LYRM4: variants seen among roughly 807,000 people sequenced by gnomAD.
LYRM4 encodes the protein LYR motif-containing protein 4.
A neutral mutation model predicts 11.7 loss-of-function variants in LYRM4; 9 were observed. That is an observed-to-expected ratio of 0.77 (90% confidence interval 0.46 to 1.34). The LOEUF (loss-of-function observed/expected upper bound fraction) is 1.34. Among genes scored for constraint, LYRM4 ranks in the 40% most tolerant of loss-of-function variants. LYRM4 has a pLI of 0.00. For missense variants in LYRM4, 133 were observed against 112.5 expected (o/e 1.18, Z -0.82); for synonymous variants, 42 against 40.4 (o/e 1.04, Z -0.15).
At chr6:5,066,200 C>A in the LYRM4 span, 5 of 702,944 alleles carry the variant, frequency 7.1e-6, no homozygotes, top group Admixed American at 3.6e-5. Context: ...ATGTGCAGAA[C>A]CTTAATCTCA....
At chr6:5,251,169 TA>T (rs572613603) in intron 1 of LYRM4, among the ~76,000 whole-genome samples, 2 of 152,166 alleles carry the variant, frequency 1.3e-5, no homozygotes, top group Non-Finnish European at 2.9e-5. Flanking sequence ...AGTGTGGTAA[TA>T]TATACATACA....
chr6:5,228,958 C>T (rs1763063900), intron 1 of LYRM4, among the ~76,000 whole-genome samples: 1 of 136,984 alleles, frequency 7.3e-6, no homozygotes, highest in Admixed American at 8.1e-5. Flanking sequence ...GAGCCAAGAT[C>T]ACGCCACTGC....
intron 2 of LYRM4, among the ~76,000 whole-genome samples, chr6:5,153,656 T>C (rs1758219390): frequency 6.6e-6 from 1 of 152,194 alleles, no homozygotes; most frequent in Non-Finnish European, 1.5e-5. Context: ...TTTTCAACAG[T>C]GATGCTCAAC....
chr6:5,102,279 T>C (rs781175929), downstream of LYRM4, among the ~76,000 whole-genome samples: 3 of 152,170 alleles, frequency 2.0e-5, no homozygotes, highest in Admixed American at 6.5e-5. Flanking sequence ...GCTTGAAATA[T>C]GAATGGAAGA....
Position 5,260,779 on chromosome 6 carries a change from A to G in LYRM4, c.-46T>C, listed in dbSNP as rs537369528. 3.8e-4 allele frequency: 590 copies of G among 1,536,586 alleles called. 9 individuals are homozygous for G. In the South Asian group the frequency reaches 6.7e-3, roughly 17 times the overall value. On this transcript the variant is annotated 5_prime_UTR_variant, in exon 1 of 3. Transcript: ENST00000330636. The stretch of plus-strand genomic sequence containing the variant: ...AACGGGTCCTCTTCGCCGAGGTCCC[A>G]AGTACGACCCAACCCACGAAACTCC...
the LYRM4 span, among the ~76,000 whole-genome samples, chr6:5,047,817 C>T: frequency 1.3e-5 from 2 of 152,260 alleles, no homozygotes; most frequent in South Asian, 2.1e-4. Context: ...TGCTTGTTAC[C>T]TTATTACAAT....
intron 2 of LYRM4, chr6:5,138,580 T>G: frequency 1.9e-6 from 1 of 524,428 alleles, no homozygotes. Context: ...TGACTGTTTT[T>G]TTTATGAATG....
Position 5,108,851 on chromosome 6 carries a change from G to T in LYRM4, c.*572C>A. On this transcript the variant is annotated 3_prime_UTR_variant, in exon 3 of 3. Coordinates refer to ENST00000330636, the MANE Select transcript of LYRM4 (RefSeq NM_020408.6). ...ACACACCCGTCACCTTTGTTGTACT[G>T]GGCTCAGGTATAAGTTGCAGGGTGC... 4.1e-6 allele frequency: 4 copies of T among 986,742 alleles called. No individual in the cohort carries two copies. The South Asian group carries it at 1.9e-4, about 46-fold the overall frequency. The allele number at this position is 986,742 out of a possible 1,614,324, so 61.1% of individuals were successfully genotyped here.
At chr6:5,234,694 T>C (rs1259309666) in intron 1 of LYRM4, among the ~76,000 whole-genome samples, 2 of 151,626 alleles carry the variant, frequency 1.3e-5, no homozygotes, top group African/African-American at 2.4e-5. Context: ...GATAAAAATA[T>C]CGAAGAAGGA....
chr6:5,108,399 A>C (rs1762730193), downstream of LYRM4: 4 of 948,334 alleles, frequency 4.2e-6, no homozygotes, highest in Admixed American at 6.2e-5. Flanking sequence ...CTATGTTTGG[A>C]ATGAATCTGT....
At position 5,218,462 on chromosome 6, in the gene LYRM4, A is replaced by G. The variant is rs1762403249; in HGVS notation, c.87-1724T>C. The G allele has an allele frequency of 7.3e-6, 6 of 821,010 alleles. No individual in the cohort carries two copies. In the South Asian group the frequency reaches 3.4e-4, roughly 46 times the overall value. 50.9% of individuals were successfully genotyped at this position (821,010 alleles called of 1,614,324 possible). On this transcript the variant is annotated intron_variant, in intron 1 of 2. Transcript: ENST00000330636. ...GTTTTTTAAAGTAAAAAGGCATTTT[A>G]CATTAAAAAATTCAAATGTCAGGTC...
chr6:5,062,166 C>A, the LYRM4 span, among the ~76,000 whole-genome samples: 1 of 146,284 alleles, frequency 6.8e-6, no homozygotes, highest in African/African-American at 2.5e-5. Flanking sequence ...CTCACTGCAG[C>A]CTCAAACTCC....
the LYRM4 span, among the ~76,000 whole-genome samples, chr6:5,064,057 C>A: frequency 6.6e-6 from 1 of 152,216 alleles, no homozygotes; most frequent in African/African-American, 2.4e-5. Context: ...CCTCTTAGCA[C>A]TTCCTGGGAG....
At chr6:5,037,545 C>A in the LYRM4 span, among the ~76,000 whole-genome samples, 16 of 56,392 alleles carry the variant, frequency 2.8e-4, no homozygotes, top group East Asian at 2.8e-3. Flanking sequence ...AGACGGGGTC[C>A]TGGCCGGGCA....
chr6:5,160,539 C>T (rs574842565), intron 2 of LYRM4, among the ~76,000 whole-genome samples: 17 of 152,176 alleles, frequency 1.1e-4, no homozygotes, highest in African/African-American at 4.1e-4. Context: ...TATTAAAGGA[C>T]TGAGCACCAC....
chr6:5,151,792 TAATTA>T (rs2127640460), intron 2 of LYRM4, among the ~76,000 whole-genome samples: 1 of 152,356 alleles, frequency 6.6e-6, no homozygotes, highest in Admixed American at 6.5e-5. Flanking sequence ...ATTACTGTCA[TAATTA>T]AATTAAAAGT....
At chr6:5,129,332 C>G (rs549386717) in intron 2 of LYRM4, among the ~76,000 whole-genome samples, 1 of 152,266 alleles carries the variant, frequency 6.6e-6, no homozygotes, top group African/African-American at 2.4e-5. Flanking sequence ...GTTATGGAGG[C>G]CAGAAGTCAA....
chr6:5,110,904 C>T (rs1762851546), intron 2 of LYRM4, among the ~76,000 whole-genome samples: 1 of 152,146 alleles, frequency 6.6e-6, no homozygotes. Flanking sequence ...GGTCCACGGG[C>T]CACACTTTAG....
the LYRM4 span, among the ~76,000 whole-genome samples, chr6:5,040,867 A>C: frequency 1.0e-5 from 1 of 96,158 alleles, no homozygotes; most frequent in Non-Finnish European, 2.3e-5. Flanking sequence ...AATTTTGTCA[A>C]AATTTGGGGA....
Sources: gnomAD v4.1 joint callset for allele counts (sites outside exome capture counted in the v4.1 genomes callset) on GRCh38, gnomAD v4.1.1 for gene constraint, MANE v1.5 for transcripts, NCBI Gene and HGNC (gene_info 2026-07-23, HGNC 2026-07-21) for gene names.